NOD2: variants seen among roughly 807,000 people sequenced by gnomAD.
NOD2 encodes nucleotide binding oligomerization domain containing 2.
In NOD2, 86 loss-of-function variants were observed where a neutral mutation model predicts 90.9. The observed-to-expected ratio is 0.95, with a 90% CI of 0.79 to 1.13. The LOEUF is 1.13. NOD2 is among the 50% of genes most tolerant of loss of function. The probability of loss-of-function intolerance (pLI) is 0.00; values close to 1 mark genes in which losing one functional copy is unlikely to be tolerated. For missense variants in NOD2, 1,238 were observed against 1,283.8 expected (o/e 0.96, Z 0.55); for synonymous variants, 581 against 554.6 (o/e 1.05, Z -0.67).
rs1965501215 is a variant in NOD2, at chr16:50,732,786, G to C, written c.*967G>C. On this transcript the variant is annotated 3_prime_UTR_variant, in exon 12 of 12. Transcript: ENST00000647318. ...AGGCAGTTCCATTTCATTTGTGCCA[G>C]AATGCTTTAGGATGTACAGTTATGG... 1 of 152,320 alleles carries C rather than the reference G, an allele frequency of 6.6e-6. No homozygotes were observed. Among genetic ancestry groups the C allele is most frequent in the East Asian group, 1.9e-4 (1 of 5,338 alleles). 9.4% of individuals were successfully genotyped at this position (152,320 alleles called of 1,614,324 possible). A position where few individuals can be genotyped will look rare whatever the true frequency, so the allele number is the denominator to read the frequency against.
In NOD2 at chr16:50,712,218, G is replaced by C. The variant is rs1266638330; in HGVS notation, c.2226G>C (p.Leu742Phe). The change falls in exon 4 of 12, where the codon TTG becomes TTC. Residue 742 changes from leucine to phenylalanine, a missense_variant. By Grantham distance (22) the Leu-to-Phe change is conservative. This residue lies in a region of NOD2 where 667 missense variants were observed against 688.7 expected (regional missense o/e 0.97). Transcript: ENST00000647318. ...ARGLNVGHLK[L>F]TFCSVGPTEC... is the part of the protein sequence containing the mutation. Reference sequence around the variant, plus strand: ...GCCTGAATGTTGGGCACCTCAAGTTGACATTTTGCAGTGTGGGCCCCACTG... The same window carrying C: ...GCCTGAATGTTGGGCACCTCAAGTTCACATTTTGCAGTGTGGGCCCCACTG... 1 of 1,613,894 alleles carries C rather than the reference G, an allele frequency of 6.2e-7. No homozygotes were observed. Among genetic ancestry groups the C allele is most frequent in the South Asian group, 1.1e-5 (1 of 91,084 alleles).
chr16:50,722,530 G>A, intron 7 of NOD2, 92 bp from the exon 8 acceptor site: 1 of 1,227,326 alleles, frequency 8.1e-7, no homozygotes, highest in Non-Finnish European at 1.2e-6. Context: ...CCTCTGGCTG[G>A]GACTGCAGAG....
chr16:50,707,789 A>G, intron 2 of NOD2, 66 bp from the exon 3 acceptor site: 1 of 1,094,216 alleles, frequency 9.1e-7, no homozygotes, highest in Admixed American at 1.7e-5. Context: ...TGCAGTAATC[A>G]GTAAGCCTTC....
intron 6 of NOD2, among the ~76,000 whole-genome samples, chr16:50,718,690 T>C (rs748350327): frequency 1.2e-4 from 19 of 152,200 alleles, no homozygotes; most frequent in Non-Finnish European, 2.4e-4. Flanking sequence ...TTCTGTAGAA[T>C]GGAGGTAATA....
chr16:50,699,621 G>C lies in NOD2; in HGVS notation c.126G>C (p.Glu42Asp). Residue 42 changes from glutamate (E) to aspartate (D), a missense_variant, in exon 2 of 12, where the codon GAG (glutamate) becomes GAC (aspartate). Physicochemically the swap from Glu to Asp is conservative, Grantham distance 45 (BLOSUM62 2). Coordinates refer to ENST00000647318, the MANE Select transcript of NOD2 (RefSeq NM_001370466.1). ...TGTCCTGGGAGGTCCTCTCCTGGGA[G>C]GACTACGAGGGCTTCCACCTCCTGG... ...WLLSWEVLSW[E>D]DYEGFHLLGQ... is the part of the protein sequence containing the mutation. 6.2e-7 allele frequency: 1 copy of C among 1,614,118 alleles called. No individual in the cohort carries two copies. Among genetic ancestry groups the C allele is most frequent in the South Asian group, 1.1e-5 (1 of 91,078 alleles).
rs1170654579 is a variant in NOD2, at chr16:50,711,834, C to T, written c.1842C>T (p.Ala614=). The change falls in exon 4 of 12, where the codon GCC becomes GCT. Residue 614 remains alanine (A), a synonymous_variant. Coordinates refer to ENST00000647318, the MANE Select transcript of NOD2 (RefSeq NM_001370466.1). ...NCGRPGNSPM[A]RLLPTMCIQA... is the part of the protein sequence containing the mutation. ...GCAGGCCAGGCAACTCACCAATGGC[C>T]AGGCTCCTGCCCACGATGTGCATCC... is the stretch of plus-strand genomic sequence containing the variant. The T allele has an allele frequency of 6.2e-7, 1 of 1,613,696 alleles. No homozygotes were observed. Among genetic ancestry groups the T allele is most frequent in the Non-Finnish European group, 8.5e-7 (1 of 1,179,740 alleles).
Position 50,732,006 on chromosome 16 carries a change from C to T in NOD2, c.*187C>T. 1.6e-6 allele frequency: 1 copy of T among 633,500 alleles called. No homozygotes were observed. The highest frequency in any genetic ancestry group is 1.7e-5 in the South Asian group (1 of 60,354). 39.2% of individuals were successfully genotyped at this position (633,500 alleles called of 1,614,324 possible). ...CAGAGGAGGGAGCATCAGTGCCCTCCAGGATAGACTTTTCCCAAGCCTACT... is the reference window on the plus strand; with the variant it reads ...CAGAGGAGGGAGCATCAGTGCCCTCTAGGATAGACTTTTCCCAAGCCTACT... On this transcript the variant is annotated 3_prime_UTR_variant, in exon 12 of 12. Coordinates refer to ENST00000647318, the MANE Select transcript of NOD2 (RefSeq NM_001370466.1).
chr16:50,728,573 A>G (rs904303569), intron 10 of NOD2: 2 of 158,710 alleles, frequency 1.3e-5, no homozygotes, highest in African/African-American at 2.4e-5. Context: ...TTCCAATATC[A>G]AATGGCAAAT....
Position 50,699,858 on chromosome 16 carries a change from T to G in NOD2, c.363T>G (p.His121Gln). 6.2e-7 allele frequency: 1 copy of G among 1,613,442 alleles called. No homozygotes were observed. ...RPAIVRRLHSHVENMLDLAWE... is the reference protein window; with the variant it reads ...RPAIVRRLHSQVENMLDLAWE... ...CCATTGTCAGGAGGCTCCACAGCCATGTGGAGAACATGCTGGACCTGGCAT... is the reference window on the plus strand; with the variant it reads ...CCATTGTCAGGAGGCTCCACAGCCAGGTGGAGAACATGCTGGACCTGGCAT... Residue 121 changes from histidine (H) to glutamine (Q), a missense_variant, in exon 2 of 12, where the codon CAT (histidine) becomes CAG (glutamine). Transcript: ENST00000647318.
intron 4 of NOD2, chr16:50,713,678 G>A (rs1328325288): frequency 6.6e-6 from 1 of 151,716 alleles, no homozygotes; most frequent in African/African-American, 2.4e-5. Context: ...GCAGGGGCCT[G>A]GGGTTAGTAA....
intron 4 of NOD2, chr16:50,715,580 T>A (rs552485235): frequency 6.6e-6 from 1 of 152,236 alleles, no homozygotes; most frequent in South Asian, 2.1e-4. Context: ...CACGCCCGGC[T>A]AATTTTTTTG....
intron 4 of NOD2, chr16:50,713,599 T>G (rs1162849874): frequency 6.6e-6 from 1 of 151,920 alleles, no homozygotes; most frequent in African/African-American, 2.4e-5. Flanking sequence ...ATGGGTGTTT[T>G]GAGGAGAGTT....
intron 4 of NOD2, among the ~76,000 whole-genome samples, chr16:50,714,052 T>C (rs948528544): frequency 6.6e-6 from 1 of 152,162 alleles, no homozygotes; most frequent in Non-Finnish European, 1.5e-5. Flanking sequence ...GTTGGAGCAA[T>C]TTCCCTGATA....
At chr16:50,727,043 G>T (rs1596911529) in intron 10 of NOD2, among the ~76,000 whole-genome samples, 1 of 151,558 alleles carries the variant, frequency 6.6e-6, no homozygotes, top group Non-Finnish European at 1.5e-5. Context: ...AGGAAGCTGA[G>T]GCAGGAGAAT....
chr16:50,696,494 A>G (rs1484617705), intron 1 of NOD2: 1 of 152,404 alleles, frequency 6.6e-6, no homozygotes, highest in Admixed American at 6.5e-5. Flanking sequence ...ATAAAGGAGT[A>G]AGAGGAAGGA....
intron 2 of NOD2, among the ~76,000 whole-genome samples, chr16:50,704,302 C>G (rs1302450091): frequency 6.6e-6 from 1 of 152,178 alleles, no homozygotes; most frequent in Non-Finnish European, 1.5e-5. Flanking sequence ...ATGGCCTCTT[C>G]TTCCCTGGTT....
chr16:50,712,129 A>C lies in NOD2; in HGVS notation c.2137A>C (p.Ile713Leu), dbSNP rs766637609. 4.3e-6 allele frequency: 7 copies of C among 1,613,968 alleles called. No homozygotes were observed. Among genetic ancestry groups the C allele is most frequent in the Non-Finnish European group, 5.9e-6 (7 of 1,180,054 alleles). Residue 713 changes from isoleucine (I) to leucine (L), a missense_variant, in exon 4 of 12, where the codon ATC (isoleucine) becomes CTC (leucine). By Grantham distance (5) the Ile-to-Leu change is conservative. Around this residue, in one of 3 missense-constraint regions of NOD2, gnomAD observed 667 missense variants for 688.7 expected, o/e 0.97. Transcript: ENST00000647318. The part of the protein sequence containing the change: ...AKSVHAMPGF[I>L]WLIRSLYEMQ... ...GAGCGTGCATGCCATGCCCGGGTTC[A>C]TCTGGCTCATCCGGAGCCTGTACGA...
intron 1 of NOD2, chr16:50,697,399 G>A (rs1027246184): frequency 2.4e-6 from 3 of 1,264,482 alleles, no homozygotes; most frequent in South Asian, 1.3e-5. Context: ...CCAGGCCTGG[G>A]GTCAGATGGG....
chr16:50,707,965 G>T lies in NOD2; in HGVS notation c.565+5G>T. On this transcript the variant is annotated splice_donor_5th_base_variant and intron_variant, in intron 3 of 11. Transcript: ENST00000647318. ...CATTGGCCCTGCCTTTGGAAGGTAGGTGTATGTTCTCAGTTAATCAGAAAG... is the reference window on the plus strand; with the variant it reads ...CATTGGCCCTGCCTTTGGAAGGTAGTTGTATGTTCTCAGTTAATCAGAAAG... The T allele has an allele frequency of 6.3e-7, 1 of 1,590,686 alleles. No individual in the cohort carries two copies. The highest frequency in any genetic ancestry group is 8.6e-7 in the Non-Finnish European group (1 of 1,158,586).
Sources: gnomAD v4.1 joint callset for allele counts (sites outside exome capture counted in the v4.1 genomes callset) on GRCh38, gnomAD v4.1.1 for gene constraint, gnomAD v4.1.1 regional missense constraint, MANE v1.5 for transcripts, NCBI Gene and HGNC (gene_info 2026-07-23, HGNC 2026-07-21) for gene names.